PREX1: variants seen among roughly 807,000 people sequenced by gnomAD.
PREX1 encodes the protein phosphatidylinositol-3,4,5-trisphosphate dependent Rac exchange factor 1.
In PREX1, 41 loss-of-function variants were observed where a neutral mutation model predicts 198.3. The ratio of observed to expected loss-of-function variants is 0.21; its 90% confidence interval spans 0.16 to 0.27. The LOEUF (loss-of-function observed/expected upper bound fraction) is 0.27. PREX1 is among the 10% of genes least tolerant of loss of function. The pLI, the probability that PREX1 is intolerant of heterozygous loss-of-function variation, is 1.00. For synonymous variants in PREX1, 843 were observed against 887.2 expected (o/e 0.95, Z 0.89); for missense variants, 1,620 against 2,200.7 (o/e 0.74, Z 5.28).
chr20:48,785,336 G>A (rs992669847), intron 1 of PREX1, among the ~76,000 whole-genome samples: 1 of 152,194 alleles, frequency 6.6e-6, no homozygotes, highest in African/African-American at 2.4e-5. Context: ...TGGCTGCCCC[G>A]CTCCCACACC....
intron 3 of PREX1, among the ~76,000 whole-genome samples, chr20:48,737,412 C>T (rs996187773): frequency 6.6e-6 from 1 of 151,986 alleles, no homozygotes; most frequent in Non-Finnish European, 1.5e-5. Context: ...ACTGTCAGCT[C>T]CATCGGGACG....
chr20:48,736,203 A>G (rs2090056480), intron 3 of PREX1, among the ~76,000 whole-genome samples: 1 of 152,240 alleles, frequency 6.6e-6, no homozygotes, highest in African/African-American at 2.4e-5. Flanking sequence ...ACAAGTATTA[A>G]CAACAAACAT....
Position 48,649,363 on chromosome 20 carries a change from T to G in PREX1, c.3242A>C (p.Gln1081Pro), listed in dbSNP as rs769705731. 8.1e-6 allele frequency: 13 copies of G among 1,614,060 alleles called. No homozygotes were observed. In the South Asian group the frequency reaches 1.3e-4, roughly 16 times the overall value. ...EDREIQDAYL[Q>P]LFTKLDVALK... ...GGCCACATCCAGCTTGGTGAAGAGC[T>G]GCAGGTAGGCATCCTGGATCTCACG... is the stretch of plus-strand genomic sequence containing the variant. Residue 1081 changes from glutamine to proline, a missense_variant, in exon 25 of 40, where the codon CAG becomes CCG. Around this residue, in one of 7 missense-constraint regions of PREX1, gnomAD observed 514 missense variants for 611.6 expected, o/e 0.84. Transcript: ENST00000371941.
the PREX1 span, among the ~76,000 whole-genome samples, chr20:48,839,728 A>T: frequency 1.3e-5 from 2 of 152,084 alleles, 1 homozygote; most frequent in Admixed American, 1.3e-4. Context: ...GTTAGGTGAG[A>T]TGTGCATCAT....
At chr20:48,805,429 T>A (rs1168525836) in intron 1 of PREX1, among the ~76,000 whole-genome samples, 1 of 152,198 alleles carries the variant, frequency 6.6e-6, no homozygotes, top group Non-Finnish European at 1.5e-5. Flanking sequence ...CAAGTGCAGC[T>A]CTTCAGGAGC....
chr20:48,738,446 AG>A (rs2090066473), intron 3 of PREX1, among the ~76,000 whole-genome samples: 1 of 152,208 alleles, frequency 6.6e-6, no homozygotes, highest in Non-Finnish European at 1.5e-5. Flanking sequence ...TCCCCTCTGC[AG>A]CACCGTGCCC....
intron 37 of PREX1, 134 bp from the exon 38 acceptor site, chr20:48,628,097 T>C (rs1683382692): frequency 1.5e-6 from 1 of 652,752 alleles, no homozygotes; most frequent in East Asian, 2.8e-5. Context: ...GACCCAATCC[T>C]GACCATCACG....
intron 6 of PREX1, among the ~76,000 whole-genome samples, chr20:48,704,423 T>C (rs1228781392): frequency 1.3e-5 from 2 of 152,152 alleles, no homozygotes; most frequent in African/African-American, 4.8e-5. Context: ...CCTGTTTCCT[T>C]CTCTCCCCTT....
rs148314888 is a variant in PREX1 at position 48,727,078 on chromosome 20, T to C, written c.520-687A>G. Among the ~76,000 whole-genome samples, 225 of 152,268 alleles carry C rather than the reference T, an allele frequency of 1.5e-3. 1 individual carries two copies. Among genetic ancestry groups the C allele is most frequent in the African/African-American group, 5.1e-3 (213 of 41,560 alleles). Reference sequence around the variant, plus strand: ...AACTATGCGCTGTTTATGGAGAGCATGTATGAGGTCAAATATAAAGACATG... The same window carrying C: ...AACTATGCGCTGTTTATGGAGAGCACGTATGAGGTCAAATATAAAGACATG... On this transcript the variant is annotated intron_variant, in intron 4 of 39. Transcript: ENST00000371941.
chr20:48,663,257 G>A (rs1241533248), intron 15 of PREX1, among the ~76,000 whole-genome samples: 1 of 152,200 alleles, frequency 6.6e-6, no homozygotes, highest in Non-Finnish European at 1.5e-5. Context: ...GCTGAGTCAG[G>A]GACCTGCTGG....
rs112023279 is a variant in PREX1, at chr20:48,775,066, G to T, written c.220-27186C>A. ...CCTATACCACACCCTTGCTCACACG[G>T]TTTCCACCACCGCACACGCTGCTCC... On this transcript the variant is annotated intron_variant, in intron 1 of 39. Transcript: ENST00000371941. Among the ~76,000 whole-genome samples the T allele has an allele frequency of 5.1e-3, 779 of 152,266 alleles. 10 individuals are homozygous for T. The highest frequency in any genetic ancestry group is 0.017 in the African/African-American group (700 of 41,544).
At chr20:48,825,439 G>A (rs1191482900) in intron 1 of PREX1, among the ~76,000 whole-genome samples, 2 of 152,168 alleles carry the variant, frequency 1.3e-5, no homozygotes, top group African/African-American at 4.8e-5. Context: ...AAAGAAAAAT[G>A]TGATGAAGTC....
At chr20:48,875,042 T>C in the PREX1 span, among the ~76,000 whole-genome samples, 1 of 152,270 alleles carries the variant, frequency 6.6e-6, no homozygotes, top group Admixed American at 6.5e-5. Context: ...ACACAGGTCT[T>C]AGCCATCTTC....
intron 14 of PREX1, among the ~76,000 whole-genome samples, chr20:48,671,242 C>T (rs1249781067): frequency 6.6e-6 from 1 of 152,160 alleles, no homozygotes; most frequent in African/African-American, 2.4e-5. Flanking sequence ...TAGGAAGTTT[C>T]CTCCCCTAAT....
rs767487812 is a variant in PREX1, at chr20:48,627,919, C to T, written c.4811G>A (p.Arg1604Gln). The change falls in exon 38 of 40, where the codon CGG becomes CAG. Residue 1604 changes from arginine to glutamine, a missense_variant. Transcript: ENST00000371941. ...GCACTTGGGCAGCAACCCGTGGCTC[C>T]GTGCCAAGATGGCCGCCTGCTCCAG... ...VSLEQAAILA[R>Q]SHGLLPKCIM... is the part of the protein sequence containing the mutation. 11 of 1,604,506 alleles carry T rather than the reference C, an allele frequency of 6.9e-6. No individual in the cohort carries two copies. Among genetic ancestry groups the T allele is most frequent in the Non-Finnish European group, 9.4e-6 (11 of 1,174,596 alleles).
the PREX1 span, among the ~76,000 whole-genome samples, chr20:48,862,531 C>T: frequency 2.0e-5 from 3 of 151,986 alleles, no homozygotes; most frequent in South Asian, 2.1e-4. Flanking sequence ...CTGTAAAAGA[C>T]TTTAGCTTTC....
At chr20:48,840,216 T>C in the PREX1 span, among the ~76,000 whole-genome samples, 1 of 152,066 alleles carries the variant, frequency 6.6e-6, no homozygotes, top group African/African-American at 2.4e-5. Flanking sequence ...GATTTCACTA[T>C]GTTCCCTATG....
the PREX1 span, among the ~76,000 whole-genome samples, chr20:48,844,729 C>T: frequency 6.6e-6 from 1 of 152,306 alleles, no homozygotes; most frequent in African/African-American, 2.4e-5. Flanking sequence ...AACCTGGATC[C>T]TCAATGCTGC....
At chr20:48,858,267 C>T in the PREX1 span, among the ~76,000 whole-genome samples, 29 of 152,192 alleles carry the variant, frequency 1.9e-4, 1 homozygote, top group Admixed American at 1.6e-3. Flanking sequence ...GGTTATACTC[C>T]GGGCATGTGA....
Sources: gnomAD v4.1 joint callset for allele counts (sites outside exome capture counted in the v4.1 genomes callset) on GRCh38, gnomAD v4.1.1 for gene constraint, gnomAD v4.1.1 regional missense constraint, MANE v1.5 for transcripts, NCBI Gene and HGNC (gene_info 2026-07-23, HGNC 2026-07-21) for gene names.